MAX: variants seen among roughly 807,000 people sequenced by gnomAD.
MAX encodes the protein MYC associated transcriptional regulator X.
In MAX, 3 loss-of-function variants were observed where a neutral mutation model predicts 22.3. The ratio of observed to expected loss-of-function variants is 0.13; its 90% confidence interval spans 0.06 to 0.35. The LOEUF is 0.35. Ranked by LOEUF, MAX falls within the 10% of genes least tolerant of loss-of-function variation. The pLI is 1.00. For missense variants in MAX, 119 were observed against 209.4 expected (o/e 0.57, Z 2.66); for synonymous variants, 72 against 77.7 (o/e 0.93, Z 0.39).
chr14:65,059,084 G>C (rs1338890411), intron 3 of MAX, among the ~76,000 whole-genome samples: 1 of 152,024 alleles, frequency 6.6e-6, no homozygotes, highest in African/African-American at 2.4e-5. Context: ...GTACAGTGCT[G>C]TGATCATAGC....
At chr14:65,060,664 C>G (rs1306964577) in intron 3 of MAX, among the ~76,000 whole-genome samples, 1 of 93,492 alleles carries the variant, frequency 1.1e-5, no homozygotes, top group Non-Finnish European at 1.8e-5. Flanking sequence ...CCACTGCACT[C>G]CAGCCTGGGC....
intron 3 of MAX, among the ~76,000 whole-genome samples, chr14:65,049,553 G>A (rs1395599316): frequency 6.6e-6 from 1 of 152,188 alleles, no homozygotes; most frequent in Admixed American, 6.5e-5. Flanking sequence ...GAAGCTCCTT[G>A]TAGAGCTTTT....
chr14:65,082,688 G>C lies in MAX; in HGVS notation c.172-4652C>G, dbSNP rs1408788985. ...AGGCAAAGGTGGGAGGATCTCTTGA[G>C]CCCATGGGGCTGAAGCTGCAGTGAG... On this transcript the variant is annotated intron_variant, in intron 3 of 4. Transcript: ENST00000358664. This position sits in a 1 kb window ranked among gnomAD's most constrained non-coding sequence, Gnocchi z 4.8. Among the ~76,000 whole-genome samples, 1 of 151,936 alleles carries C rather than the reference G, an allele frequency of 6.6e-6. No individual in the cohort carries two copies. Among genetic ancestry groups the C allele is most frequent in the Non-Finnish European group, 1.5e-5 (1 of 68,014 alleles).
intron 3 of MAX, chr14:65,061,687 T>G (rs530051373): frequency 1.5e-5 from 3 of 195,658 alleles, no homozygotes; most frequent in East Asian, 2.3e-4. Context: ...CACGCCACCA[T>G]TCAGTCACCA....
chr14:65,052,465 T>C (rs1296786138), intron 3 of MAX, among the ~76,000 whole-genome samples: 1 of 152,200 alleles, frequency 6.6e-6, no homozygotes, highest in Non-Finnish European at 1.5e-5. Context: ...ACATCCTATA[T>C]GTATATATAT....
At chr14:65,100,987 C>T (rs1487963517) in intron 2 of MAX, among the ~76,000 whole-genome samples, 1 of 152,212 alleles carries the variant, frequency 6.6e-6, no homozygotes, top group Non-Finnish European at 1.5e-5. Flanking sequence ...TACAGAGAAT[C>T]AGACCATAAT....
chr14:65,076,424 G>T lies in MAX; in HGVS notation c.*52C>A. ...GGGCTCTACCAACGAACTGAAAGGA[G>T]GATGAGACGATGGAGACAGACAGTT... On this transcript the variant is annotated 3_prime_UTR_variant, in exon 5 of 5. Transcript: ENST00000358664. The surrounding 1 kb of genome is among the most constrained non-coding windows in gnomAD (Gnocchi z 6.6). The T allele has an allele frequency of 6.2e-7, 1 of 1,611,896 alleles. No individual in the cohort carries two copies. The highest frequency in any genetic ancestry group is 8.5e-7 in the Non-Finnish European group (1 of 1,179,998).
chr14:65,013,878 T>C (rs2061725636), intron 3 of MAX, among the ~76,000 whole-genome samples: 1 of 152,318 alleles, frequency 6.6e-6, no homozygotes, highest in South Asian at 2.1e-4. Context: ...TGTAACTACA[T>C]GAGGTAGATC....
chr14:65,061,645 C>G (rs143383452), intron 3 of MAX: 2 of 234,274 alleles, frequency 8.5e-6, no homozygotes, highest in Non-Finnish European at 8.7e-6. Flanking sequence ...CTGAGTATTA[C>G]GGCATCCAGA....
In MAX at chr14:65,076,737, C is replaced by A. The variant is rs996694633; in HGVS notation, c.296-74G>T. 7.6e-6 allele frequency: 12 copies of A among 1,572,950 alleles called. No individual in the cohort carries two copies. In the East Asian group the frequency reaches 2.7e-4, roughly 35 times the overall value. Reference sequence around the variant, plus strand: ...AGTAACCGAGTCTCAGACTCAGGGTCCAGCCTGTTCTTCCTAAGGGCTTGC... The same window carrying A: ...AGTAACCGAGTCTCAGACTCAGGGTACAGCCTGTTCTTCCTAAGGGCTTGC... On this transcript the variant is annotated intron_variant, in intron 4 of 4. Transcript: ENST00000358664. The surrounding 1 kb of genome is among the most constrained non-coding windows in gnomAD (Gnocchi z 6.6).
intron 3 of MAX, among the ~76,000 whole-genome samples, chr14:65,081,532 T>C (rs1436051621): frequency 6.6e-6 from 1 of 152,202 alleles, no homozygotes; most frequent in African/African-American, 2.4e-5. Context: ...CTGGGATTTA[T>C]GGCATGGACT....
chr14:65,013,295 G>A (rs1383080401), intron 3 of MAX, among the ~76,000 whole-genome samples: 1 of 151,014 alleles, frequency 6.6e-6, no homozygotes, highest in Non-Finnish European at 1.5e-5. Context: ...TGGGAATGCA[G>A]ACCCAGGGTT....
At position 65,093,224 on chromosome 14, in the gene MAX, A is replaced by G. The variant is rs1346299410; in HGVS notation, c.171+484T>C. Among the ~76,000 whole-genome samples the G allele has an allele frequency of 6.6e-6, 1 of 152,180 alleles. No homozygotes were observed. Among genetic ancestry groups the G allele is most frequent in the African/African-American group, 2.4e-5 (1 of 41,450 alleles). On this transcript the variant is annotated intron_variant, in intron 3 of 4. Transcript: ENST00000358664. This position sits in a 1 kb window ranked among gnomAD's most constrained non-coding sequence, Gnocchi z 4.4. Reference sequence around the variant, plus strand: ...GCTCTTTATACGCCTTGGAAATAACAATTATTGGGGCTGGAAAATCAATGG... The same window carrying G: ...GCTCTTTATACGCCTTGGAAATAACGATTATTGGGGCTGGAAAATCAATGG...
At chr14:65,099,253 T>C (rs2139939621) in intron 2 of MAX, among the ~76,000 whole-genome samples, 1 of 152,260 alleles carries the variant, frequency 6.6e-6, no homozygotes, top group East Asian at 1.9e-4. Flanking sequence ...CTGTTGTAAT[T>C]ACATTGTGCA....
At position 65,102,477 on chromosome 14, in the gene MAX, T is replaced by TCACA. The variant is rs886050638; in HGVS notation, c.-142_-139dup. ...CTCACTCACTCACTCGCTCTCTCAC[T>TCACA]CACACACACACACAACACGGGCAAG... is the stretch of plus-strand genomic sequence containing the variant. On this transcript the variant is annotated 5_prime_UTR_variant, in exon 1 of 5. Coordinates refer to ENST00000358664, the MANE Select transcript of MAX (RefSeq NM_002382.5). 6 of 1,486,210 alleles carry TCACA rather than the reference T, an allele frequency of 4.0e-6. No individual in the cohort carries two copies. Among genetic ancestry groups the TCACA allele is most frequent in the Non-Finnish European group, 5.4e-6 (6 of 1,113,744 alleles). The allele number at this position is 1,486,210 out of a possible 1,614,324, so 92.1% of individuals were successfully genotyped here.
At chr14:65,042,036 A>AT (rs1242560016) in intron 3 of MAX, among the ~76,000 whole-genome samples, 2 of 151,992 alleles carry the variant, frequency 1.3e-5, no homozygotes, top group African/African-American at 4.8e-5. Context: ...AACAATCCTT[A>AT]TTTTTTTAAG....
chr14:65,026,184 T>C (rs890959361), intron 3 of MAX, among the ~76,000 whole-genome samples: 5 of 152,196 alleles, frequency 3.3e-5, no homozygotes, highest in African/African-American at 1.2e-4. Flanking sequence ...TGGAGGTTTC[T>C]CCTGGCGGGA....
At chr14:65,081,699 C>A (rs2063203233) in intron 3 of MAX, among the ~76,000 whole-genome samples, 1 of 152,110 alleles carries the variant, frequency 6.6e-6, no homozygotes, top group South Asian at 2.1e-4. Flanking sequence ...TCAGTAAAAG[C>A]CTGAAAATTT....
chr14:65,092,600 G>A (rs1324379677), intron 3 of MAX, among the ~76,000 whole-genome samples: 1 of 152,052 alleles, frequency 6.6e-6, no homozygotes, highest in Admixed American at 6.5e-5. Flanking sequence ...CTTAACCCAT[G>A]GCAAATTCTG....
Sources: gnomAD v4.1 joint callset for allele counts (sites outside exome capture counted in the v4.1 genomes callset) on GRCh38, gnomAD v4.1.1 for gene constraint, Gnocchi (gnomAD v3.1) non-coding constraint, MANE v1.5 for transcripts, NCBI Gene and HGNC (gene_info 2026-07-23, HGNC 2026-07-21) for gene names.